The following MTSS1 variants were observed in gnomAD, a reference collection of about 807,000 sequenced individuals.
MTSS1 encodes protein MTSS 1.
A neutral mutation model predicts 79.0 loss-of-function variants in MTSS1; 18 were observed. That is an observed-to-expected ratio of 0.23 (90% confidence interval 0.16 to 0.34). The LOEUF is 0.34. MTSS1 is among the 10% of genes least tolerant of loss of function. The probability of loss-of-function intolerance (pLI) is 1.00; values close to 1 mark genes in which losing one functional copy is unlikely to be tolerated. For missense variants in MTSS1, 815 were observed against 986.2 expected, an observed-to-expected ratio of 0.83 and a Z score of 2.33; for synonymous variants, 341 against 368.6, an observed-to-expected ratio of 0.93 and a Z score of 0.86.
intron 3 of MTSS1, among the ~76,000 whole-genome samples, chr8:124,628,355 C>G (rs778784078): frequency 1.3e-5 from 2 of 152,170 alleles, no homozygotes; most frequent in East Asian, 3.8e-4. Flanking sequence ...GGACACGGCA[C>G]CAATTATCTC....
chr8:124,617,950 G>A (rs977021108), intron 3 of MTSS1, among the ~76,000 whole-genome samples: 4 of 152,098 alleles, frequency 2.6e-5, no homozygotes, highest in African/African-American at 9.7e-5. Context: ...CCCTCATTAC[G>A]CCCTGACTCT....
At chr8:124,563,307 G>A (rs966428144) in intron 9 of MTSS1, 9 of 357,484 alleles carry the variant, frequency 2.5e-5, no homozygotes, top group African/African-American at 1.3e-4. Flanking sequence ...CGTCAAGTGC[G>A]CCCAACTCTG....
At chr8:124,699,698 C>A in intron 2 of MTSS1, 99 bp from the exon 3 acceptor site, 3 of 1,079,530 alleles carry the variant, frequency 2.8e-6, no homozygotes, top group East Asian at 2.5e-5. Context: ...GTACATGTAA[C>A]CTTCCTCCAG....
Position 124,553,498 on chromosome 8 carries a change from T to A in MTSS1, c.1762A>T (p.Thr588Ser). The A allele has an allele frequency of 6.2e-7, 1 of 1,613,468 alleles. No homozygotes were observed. Among genetic ancestry groups the A allele is most frequent in the Non-Finnish European group, 8.5e-7 (1 of 1,179,588 alleles). Residue 588 changes from threonine (T) to serine (S), a missense_variant, in exon 14 of 14, where the codon ACT (threonine) becomes TCT (serine). Around this residue, in one of 2 missense-constraint regions of MTSS1, gnomAD observed 590 missense variants for 620.8 expected, o/e 0.95. Transcript: ENST00000518547. This position sits in a 1 kb window ranked among gnomAD's most constrained non-coding sequence, Gnocchi z 6.0. ...TTGGTGGAAGGGGTCCGTCGGATAGTTGCAACCCCTGGAGTGACCATAGCA... is the reference window on the plus strand; with the variant it reads ...TTGGTGGAAGGGGTCCGTCGGATAGATGCAACCCCTGGAGTGACCATAGCA... ...GPAMVTPGVA[T>S]IRRTPSTKPS...
At chr8:124,688,398 T>C (rs778788786) in intron 3 of MTSS1, among the ~76,000 whole-genome samples, 22 of 152,018 alleles carry the variant, frequency 1.4e-4, no homozygotes, top group Non-Finnish European at 2.4e-4. Flanking sequence ...TATGTGTATA[T>C]GTGTATGTGT....
At position 124,552,001 on chromosome 8, in the gene MTSS1, C is replaced by T. The variant is rs1822595669; in HGVS notation, c.*991G>A. 1 of 152,678 alleles carries T rather than the reference C, an allele frequency of 6.5e-6. No individual in the cohort carries two copies. Among genetic ancestry groups the T allele is most frequent in the South Asian group, 2.1e-4 (1 of 4,834 alleles). The allele number at this position is 152,678 out of a possible 1,614,324, so 9.5% of individuals were successfully genotyped here. On this transcript the variant is annotated 3_prime_UTR_variant, in exon 14 of 14. Transcript: ENST00000518547. ...TTTAACGCACCCAGCCTGCTGGGCACAGTTAAGTAAAAGGCATTTACTATA... is the reference window on the plus strand; with the variant it reads ...TTTAACGCACCCAGCCTGCTGGGCATAGTTAAGTAAAAGGCATTTACTATA...
At chr8:124,610,178 G>A (rs1007181720) in intron 3 of MTSS1, among the ~76,000 whole-genome samples, 2 of 152,148 alleles carry the variant, frequency 1.3e-5, no homozygotes, top group Non-Finnish European at 2.9e-5. Flanking sequence ...CAATAGGATC[G>A]TGATTCTTCT....
rs1392133787 is a variant in MTSS1, at chr8:124,552,843, C to T, written c.*149G>A. The T allele has an allele frequency of 5.0e-5, 35 of 704,680 alleles. No individual in the cohort carries two copies. Among genetic ancestry groups the T allele is most frequent in the African/African-American group, 7.2e-5 (4 of 55,832 alleles). 43.7% of individuals were successfully genotyped at this position (704,680 alleles called of 1,614,324 possible). A position where few individuals can be genotyped will look rare whatever the true frequency, so the allele number is the denominator to read the frequency against. On this transcript the variant is annotated 3_prime_UTR_variant, in exon 14 of 14. Transcript: ENST00000518547. ...TCAGTTACATAGGTTGGTTTTAATT[C>T]TTATCTAAAGGTGTCGAGTACTTTC...
chr8:124,581,726 T>A (rs910614287), intron 6 of MTSS1, among the ~76,000 whole-genome samples: 1 of 152,158 alleles, frequency 6.6e-6, no homozygotes, highest in Non-Finnish European at 1.5e-5. Flanking sequence ...AGAGCTGGGA[T>A]TACAGGCGTG....
intron 3 of MTSS1, among the ~76,000 whole-genome samples, chr8:124,603,882 A>C (rs1430094358): frequency 6.6e-6 from 1 of 152,200 alleles, no homozygotes; most frequent in Non-Finnish European, 1.5e-5. Flanking sequence ...GGGTGTGTCC[A>C]ATCTTTTGGC....
At chr8:124,693,714 G>A (rs1163358672) in intron 3 of MTSS1, among the ~76,000 whole-genome samples, 1 of 152,170 alleles carries the variant, frequency 6.6e-6, no homozygotes, top group East Asian at 1.9e-4. Context: ...ATGCCCATCT[G>A]TAATTTTCCC....
intron 1 of MTSS1, among the ~76,000 whole-genome samples, chr8:124,724,403 A>G (rs1833383724): frequency 6.6e-6 from 1 of 152,086 alleles, no homozygotes; most frequent in East Asian, 1.9e-4. Context: ...GTAACAGGAC[A>G]CCCCTGTCTA....
At chr8:124,622,265 T>G (rs1813710502) in intron 3 of MTSS1, among the ~76,000 whole-genome samples, 1 of 152,012 alleles carries the variant, frequency 6.6e-6, no homozygotes, top group Non-Finnish European at 1.5e-5. Flanking sequence ...ATATATTTTT[T>G]TAAGTAGAAG....
intron 1 of MTSS1, among the ~76,000 whole-genome samples, chr8:124,714,890 T>C (rs1160621892): frequency 1.3e-5 from 2 of 152,218 alleles, no homozygotes; most frequent in African/African-American, 4.8e-5. Context: ...TGCTTTTACC[T>C]AGCATTTGTA....
In MTSS1 at chr8:124,587,946, T is replaced by A. The variant is rs1321885805; in HGVS notation, c.385+1674A>T. On this transcript the variant is annotated intron_variant, in intron 5 of 13. Transcript: ENST00000518547. The stretch of plus-strand genomic sequence containing the variant: ...AGTTCTACATAAGACTGATTTCCAA[T>A]AACAATGAAGACACGACTTCAGGAG... Among the ~76,000 whole-genome samples the A allele has an allele frequency of 3.3e-5, 5 of 152,338 alleles. No individual in the cohort carries two copies. The East Asian group carries it at 9.6e-4, about 29-fold the overall frequency.
chr8:124,555,900 C>A lies in MTSS1; in HGVS notation c.1409G>T (p.Gly470Val), dbSNP rs779953773. ...CTCCTCACAAGCCTCCATCTCCTCA[C>A]CAGGCTGCAGGTTGGAGGAGAGAAA... ...SMTVSAATRP[G>V]EEMEACEELA... The change falls in exon 13 of 14, where the codon GGT becomes GTT. Residue 470 changes from glycine to valine, a missense_variant. Physicochemically the swap from Gly to Val is moderately radical, Grantham distance 109 (BLOSUM62 -3). Around this residue, in one of 2 missense-constraint regions of MTSS1, gnomAD observed 590 missense variants for 620.8 expected, o/e 0.95. Coordinates refer to ENST00000518547, the MANE Select transcript of MTSS1 (RefSeq NM_014751.6). 8.7e-6 allele frequency: 14 copies of A among 1,607,032 alleles called. No homozygotes were observed. The highest frequency in any genetic ancestry group is 1.2e-5 in the Non-Finnish European group (14 of 1,179,872).
intron 1 of MTSS1, among the ~76,000 whole-genome samples, chr8:124,714,351 A>C (rs1831603248): frequency 6.6e-6 from 1 of 152,226 alleles, no homozygotes; most frequent in African/African-American, 2.4e-5. Context: ...AGAAAGAGTA[A>C]GTAATTTGCC....
At position 124,555,951 on chromosome 8, in the gene MTSS1, C is replaced by T. The variant is rs1040150950; in HGVS notation, c.1405-47G>A. On this transcript the variant is annotated intron_variant, in intron 12 of 13. Transcript: ENST00000518547. ...TACACAGGTTGCTTTAGGGGGGGGG[C>T]TCAACAGCACTCCTGTTCTGCCCCC... The T allele has an allele frequency of 6.9e-6, 11 of 1,591,272 alleles. No individual in the cohort carries two copies. The African/African-American group carries it at 9.4e-5, about 14-fold the overall frequency.
At chr8:124,574,202 C>T (rs1431123999) in intron 6 of MTSS1, among the ~76,000 whole-genome samples, 1 of 152,096 alleles carries the variant, frequency 6.6e-6, no homozygotes, top group Non-Finnish European at 1.5e-5. Context: ...GCCTCGGCCT[C>T]CCAAACTGCT....
Sources: gnomAD v4.1 joint callset for allele counts (sites outside exome capture counted in the v4.1 genomes callset) on GRCh38, gnomAD v4.1.1 for gene constraint, gnomAD v4.1.1 regional missense constraint, Gnocchi (gnomAD v3.1) non-coding constraint, MANE v1.5 for transcripts, NCBI Gene and HGNC (gene_info 2026-07-23, HGNC 2026-07-21) for gene names.